Variants in VDAC1 observed in about 807,000 individuals in gnomAD.
The protein encoded by VDAC1 is voltage dependent anion channel 1.
VDAC1 carries 10 observed loss-of-function variants against 34.7 expected under a neutral mutation model. The ratio of observed to expected loss-of-function variants is 0.29; its 90% CI spans 0.18 to 0.49. The LOEUF is 0.49. VDAC1 is among the 20% of genes least tolerant of loss of function. VDAC1 has a pLI of 0.99. For synonymous variants in VDAC1, 130 were observed against 136.0 expected (o/e 0.96, Z 0.30); for missense variants, 230 against 347.9 (o/e 0.66, Z 2.69).
chr5:133,975,609 C>T (rs990020876), intron 7 of VDAC1, among the ~76,000 whole-genome samples: 1 of 151,998 alleles, frequency 6.6e-6, no homozygotes, highest in African/African-American at 2.4e-5. Flanking sequence ...TACAGGCACA[C>T]GCCACCATGC....
chr5:134,076,055 C>T, the VDAC1 span, among the ~76,000 whole-genome samples: 15 of 152,230 alleles, frequency 9.9e-5, no homozygotes, highest in South Asian at 1.7e-3. Context: ...ATCTTGCTAA[C>T]TGCAACCTCT....
At chr5:133,993,377 G>A (rs925075948) in intron 1 of VDAC1, among the ~76,000 whole-genome samples, 2 of 152,244 alleles carry the variant, frequency 1.3e-5, no homozygotes, top group African/African-American at 2.4e-5. Flanking sequence ...TTACTGAATT[G>A]TAGGACTGTT....
At chr5:134,101,934 G>T in the VDAC1 span, among the ~76,000 whole-genome samples, 3 of 152,218 alleles carry the variant, frequency 2.0e-5, no homozygotes, top group African/African-American at 7.2e-5. Flanking sequence ...GGAGTCATGG[G>T]AACCAACATG....
the VDAC1 span, among the ~76,000 whole-genome samples, chr5:134,016,972 G>T: frequency 1.6e-4 from 24 of 152,332 alleles, no homozygotes; most frequent in African/African-American, 5.8e-4. Flanking sequence ...TCTGTAGGGG[G>T]CATGGCAGCA....
At chr5:134,001,219 A>C (rs1338272645) in intron 1 of VDAC1, among the ~76,000 whole-genome samples, 1 of 152,164 alleles carries the variant, frequency 6.6e-6, no homozygotes, top group East Asian at 1.9e-4. Context: ...CAGGCCTTGA[A>C]TCCCAACTCC....
rs892329744 is a variant in VDAC1 at position 133,986,404 on chromosome 5, G to T, written c.323+4451C>A. On this transcript the variant is annotated intron_variant, in intron 5 of 8. Transcript: ENST00000265333. ...ATCTAGCACCCAGAATTTTAGTTTT[G>T]TTTTTTTTTTGAGATGGAGTCTTGC... Among the ~76,000 whole-genome samples, 89 of 147,564 alleles carry T rather than the reference G, an allele frequency of 6.0e-4. 1 individual carries two copies. The Middle Eastern group carries it at 0.017, about 29-fold the overall frequency.
intron 6 of VDAC1, 189 bp from the exon 7 acceptor site, chr5:133,976,210 T>C (rs2126900113): frequency 1.5e-6 from 1 of 650,498 alleles, no homozygotes; most frequent in East Asian, 2.9e-5. Flanking sequence ...CTGATAAGTA[T>C]GGAACAGGCA....
chr5:134,010,201 C>T, the VDAC1 span, among the ~76,000 whole-genome samples: 1 of 152,168 alleles, frequency 6.6e-6, no homozygotes, highest in Non-Finnish European at 1.5e-5. Flanking sequence ...TGGGGAATGC[C>T]TGCTGCAGGA....
the VDAC1 span, among the ~76,000 whole-genome samples, chr5:134,081,079 C>G: frequency 2.0e-5 from 3 of 151,640 alleles, no homozygotes; most frequent in African/African-American, 7.3e-5. Context: ...CTCTTGTTGC[C>G]CAGGCTGGAG....
the VDAC1 span, among the ~76,000 whole-genome samples, chr5:134,070,879 A>G: frequency 3.9e-5 from 6 of 152,360 alleles, no homozygotes; most frequent in East Asian, 1.2e-3. Flanking sequence ...CTAGGCAGCA[A>G]GGAGGTGCTG....
the VDAC1 span, among the ~76,000 whole-genome samples, chr5:134,082,396 A>G: frequency 6.6e-6 from 1 of 152,342 alleles, no homozygotes; most frequent in Non-Finnish European, 1.5e-5. Flanking sequence ...ACACATACCA[A>G]TAGTGAATTC....
At chr5:134,085,708 C>A in the VDAC1 span, among the ~76,000 whole-genome samples, 1 of 75,892 alleles carries the variant, frequency 1.3e-5, no homozygotes, top group Admixed American at 2.0e-4. Flanking sequence ...TGCAACATAG[C>A]AAGACCCCAT....
the VDAC1 span, among the ~76,000 whole-genome samples, chr5:134,060,274 C>T: frequency 6.6e-6 from 1 of 151,968 alleles, no homozygotes; most frequent in Non-Finnish European, 1.5e-5. Context: ...ATGCGCTGCA[C>T]GCACCTCATC....
the VDAC1 span, among the ~76,000 whole-genome samples, chr5:134,092,984 G>C: frequency 3.9e-5 from 6 of 152,186 alleles, no homozygotes; most frequent in Non-Finnish European, 8.8e-5. Flanking sequence ...TGCAGCAAAG[G>C]CCTCTTTCAA....
chr5:134,018,295 C>G, the VDAC1 span, among the ~76,000 whole-genome samples: 1 of 152,304 alleles, frequency 6.6e-6, no homozygotes, highest in East Asian at 1.9e-4. Flanking sequence ...ACAACCAGCT[C>G]TAGCATGAAC....
At chr5:133,976,823 C>G (rs1752500368) in intron 6 of VDAC1, among the ~76,000 whole-genome samples, 1 of 152,134 alleles carries the variant, frequency 6.6e-6, no homozygotes, top group Admixed American at 6.6e-5. Flanking sequence ...GCGGGCAGAT[C>G]ATTTGAGGTC....
In VDAC1 at chr5:133,976,098, C is replaced by G. The variant is rs1011631033; in HGVS notation, c.552-77G>C. 7.0e-6 allele frequency: 11 copies of G among 1,578,838 alleles called. No individual in the cohort carries two copies. In the African/African-American group the frequency reaches 1.5e-4, roughly 21 times the overall value. ...GCCCAGACAGATCCACCCAAGTCTC[C>G]CAGAAGACAGGGATGACAGAAATGG... is the stretch of plus-strand genomic sequence containing the variant. On this transcript the variant is annotated intron_variant, in intron 6 of 8. Transcript: ENST00000265333.
chr5:134,050,807 T>C, the VDAC1 span, among the ~76,000 whole-genome samples: 1,615 of 152,300 alleles, frequency 0.011, 28 homozygotes, highest in African/African-American at 0.036. Flanking sequence ...GAGTTGGCTT[T>C]GGGCGAGTGT....
the VDAC1 span, among the ~76,000 whole-genome samples, chr5:134,011,096 T>A: frequency 6.6e-6 from 1 of 152,148 alleles, no homozygotes; most frequent in African/African-American, 2.4e-5. Context: ...GAACATTTTT[T>A]AATATGTTTC....
Sources: gnomAD v4.1 joint callset for allele counts (sites outside exome capture counted in the v4.1 genomes callset) on GRCh38, gnomAD v4.1.1 for gene constraint, MANE v1.5 for transcripts, NCBI Gene and HGNC (gene_info 2026-07-23, HGNC 2026-07-21) for gene names.